Variants in ACSL5 observed in about 807,000 individuals in gnomAD.
ACSL5 encodes the protein acyl-CoA synthetase long chain family member 5, also known as long-chain-fatty-acid--CoA ligase 5.
In ACSL5, 50 loss-of-function variants were observed where a neutral mutation model predicts 84.9. The observed-to-expected ratio is 0.59, with a 90% confidence interval of 0.47 to 0.75. The LOEUF is 0.75. Ranked by LOEUF, ACSL5 falls within the 30% of genes least tolerant of loss-of-function variation. The pLI, the probability that ACSL5 is intolerant of heterozygous loss-of-function variation, is 0.00. For synonymous variants in ACSL5, 280 were observed against 300.7 expected (o/e 0.93, Z 0.71); for missense variants, 775 against 830.4 (o/e 0.93, Z 0.82).
In ACSL5 at chr10:112,422,345, C is replaced by G; in HGVS notation, c.1497C>G (p.Asn499Lys). The G allele has an allele frequency of 6.2e-7, 1 of 1,614,026 alleles. No homozygotes were observed. The highest frequency in any genetic ancestry group is 8.5e-7 in the Non-Finnish European group (1 of 1,179,968). ...NEGEVCIKGT[N>K]VFKGYLKDPE... ...TGCAGGTCTGCATCAAGGGTACAAA[C>G]GTGTTCAAAGGATACCTGAAGGACC... Residue 499 changes from asparagine to lysine, a missense_variant, in exon 17 of 21, where the codon AAC becomes AAG. By Grantham distance (94) the Asn-to-Lys change is moderately conservative (BLOSUM62 0). Coordinates refer to ENST00000354655, the MANE Select transcript of ACSL5 (RefSeq NM_203379.2).
chr10:112,376,254 G>A (rs1849235658), intron 1 of ACSL5: 8 of 1,604,718 alleles, frequency 5.0e-6, no homozygotes, highest in Admixed American at 1.7e-5. Context: ...GGCCTGACTC[G>A]GGACAGCTCA....
At chr10:112,389,000 G>T (rs897588347) in intron 1 of ACSL5, among the ~76,000 whole-genome samples, 1 of 152,142 alleles carries the variant, frequency 6.6e-6, no homozygotes, top group Non-Finnish European at 1.5e-5. Context: ...ACTATCAAAA[G>T]AAAATGATTT....
At chr10:112,421,688 A>T in intron 15 of ACSL5, 23 bp downstream of exon 15, 1 of 1,601,072 alleles carries the variant, frequency 6.2e-7, no homozygotes, top group Non-Finnish European at 8.6e-7. Context: ...TCTGCTGGGC[A>T]GGAGGTGCCA....
chr10:112,383,587 A>G (rs1564730444), intron 1 of ACSL5, among the ~76,000 whole-genome samples: 1 of 152,216 alleles, frequency 6.6e-6, no homozygotes, highest in Admixed American at 6.5e-5. Flanking sequence ...GCTGCTGTCC[A>G]GCTGGATTAC....
Position 112,427,887 on chromosome 10 carries a change from T to C in ACSL5, c.*529T>C, listed in dbSNP as rs917361161. On this transcript the variant is annotated 3_prime_UTR_variant, in exon 21 of 21. Transcript: ENST00000354655. ...TAGCCTATCACTCATGTCAATCATA[T>C]CTATGAGACAAATGTCTCCGATGCT... 1.3e-5 allele frequency: 2 copies of C among 152,754 alleles called. No individual in the cohort carries two copies. Among genetic ancestry groups the C allele is most frequent in the Admixed American group, 6.5e-5 (1 of 15,294 alleles). 9.5% of individuals were successfully genotyped at this position (152,754 alleles called of 1,614,324 possible).
At chr10:112,394,618 C>A in intron 1 of ACSL5, 1 of 530,838 alleles carries the variant, frequency 1.9e-6, no homozygotes, top group Non-Finnish European at 2.4e-6. Flanking sequence ...ATTAAAAAGG[C>A]AGTCATTTCT....
intron 1 of ACSL5, among the ~76,000 whole-genome samples, chr10:112,377,573 AACTG>A (rs1359649604): frequency 2.0e-5 from 3 of 152,132 alleles, no homozygotes; most frequent in Non-Finnish European, 4.4e-5. Flanking sequence ...AAACATTGAA[AACTG>A]ACTTAGTTTT....
chr10:112,400,525 C>T (rs1235061258), intron 3 of ACSL5, among the ~76,000 whole-genome samples: 4 of 149,596 alleles, frequency 2.7e-5, no homozygotes, highest in Non-Finnish European at 5.9e-5. Flanking sequence ...TTCTCTGCCT[C>T]AGCCTCCCGA....
rs1843711079 is a variant in ACSL5, at chr10:112,394,837, T to C, written c.-29-81T>C. 3.2e-6 allele frequency: 5 copies of C among 1,551,530 alleles called. No individual in the cohort carries two copies. The Admixed American group carries it at 8.9e-5, about 28-fold the overall frequency. ...GTGTGTGTGTATGTGTGTGTGTGTG[T>C]CCTTCTGAAAACATAGAGCTATTGA... On this transcript the variant is annotated intron_variant, in intron 1 of 20. Coordinates refer to ENST00000354655, the MANE Select transcript of ACSL5 (RefSeq NM_203379.2).
intron 2 of ACSL5, among the ~76,000 whole-genome samples, chr10:112,398,439 C>T (rs1843795387): frequency 6.6e-6 from 1 of 151,534 alleles, no homozygotes; most frequent in Non-Finnish European, 1.5e-5. Flanking sequence ...GAGTCTCACT[C>T]CGTTGCCCAG....
chr10:112,407,112 A>G (rs1344314191), intron 5 of ACSL5, among the ~76,000 whole-genome samples: 1 of 152,216 alleles, frequency 6.6e-6, no homozygotes, highest in Non-Finnish European at 1.5e-5. Context: ...TATCATGAGA[A>G]TAGCACAGGA....
At chr10:112,383,456 A>G (rs796336411) in intron 1 of ACSL5, among the ~76,000 whole-genome samples, 7 of 152,224 alleles carry the variant, frequency 4.6e-5, no homozygotes, top group African/African-American at 1.4e-4. Flanking sequence ...CTTCTTAGCT[A>G]CTTGGAATGA....
chr10:112,420,731 C>A (rs1490035104), intron 14 of ACSL5, among the ~76,000 whole-genome samples: 3 of 141,044 alleles, frequency 2.1e-5, no homozygotes, highest in Non-Finnish European at 3.1e-5. Flanking sequence ...TTTTTTTTTT[C>A]TTTTGAGATG....
intron 13 of ACSL5, 81 bp downstream of exon 13, chr10:112,417,103 T>C (rs1844332400): frequency 3.4e-6 from 5 of 1,491,534 alleles, no homozygotes; most frequent in Admixed American, 1.9e-5. Context: ...TTTCCTCTGC[T>C]GCTTGAGCGT....
intron 1 of ACSL5, among the ~76,000 whole-genome samples, chr10:112,377,084 A>G (rs932757598): frequency 2.0e-5 from 3 of 148,574 alleles, no homozygotes; most frequent in Non-Finnish European, 4.5e-5. Flanking sequence ...GGACTCTACC[A>G]CCGGAGACCC....
chr10:112,392,470 G>A (rs1251150399), intron 1 of ACSL5, among the ~76,000 whole-genome samples: 2 of 151,858 alleles, frequency 1.3e-5, no homozygotes, highest in Non-Finnish European at 2.9e-5. Flanking sequence ...GGCCAGGTAC[G>A]GTGGCTCACA....
chr10:112,379,468 G>A (rs1466623306), intron 1 of ACSL5, among the ~76,000 whole-genome samples: 4 of 152,102 alleles, frequency 2.6e-5, no homozygotes, highest in Non-Finnish European at 5.9e-5. Context: ...AGAAGTGGAG[G>A]GGCAGTAATC....
intron 1 of ACSL5, among the ~76,000 whole-genome samples, chr10:112,383,991 C>T (rs575581139): frequency 2.8e-4 from 43 of 152,014 alleles, no homozygotes; most frequent in Middle Eastern, 6.8e-3. Context: ...ACCAGGAGCT[C>T]AAGACCAGCC....
chr10:112,386,095 T>C (rs189208676), intron 1 of ACSL5, among the ~76,000 whole-genome samples: 5 of 151,832 alleles, frequency 3.3e-5, no homozygotes, highest in Admixed American at 2.6e-4. Context: ...ATTTAGTACA[T>C]GATAATAGCA....
Sources: allele counts gnomAD v4.1 joint callset (sites outside exome capture counted in the v4.1 genomes callset), GRCh38; gene constraint gnomAD v4.1.1; transcripts MANE v1.5; gene names NCBI Gene and HGNC (gene_info 2026-07-23, HGNC 2026-07-21).